OSTF1: variants seen among roughly 807,000 people sequenced by gnomAD.
OSTF1 encodes osteoclast stimulating factor 1.
OSTF1 carries 27 observed loss-of-function variants against 37.2 expected under a neutral mutation model. That is an observed-to-expected ratio of 0.73 (90% CI 0.54 to 1.00). The LOEUF (loss-of-function observed/expected upper bound fraction) is 1.00, where lower values mean the gene tolerates loss of function less well. Among genes scored for constraint, OSTF1 ranks in the 50% least tolerant of loss-of-function variants. The pLI, the probability that OSTF1 is intolerant of heterozygous loss-of-function variation, is 0.00. For missense variants in OSTF1, 232 were observed against 253.8 expected, an observed-to-expected ratio of 0.91 and a Z score of 0.58; for synonymous variants, 82 against 89.2, an observed-to-expected ratio of 0.92 and a Z score of 0.46.
At chr9:75,110,030 G>A (rs983081619) in intron 1 of OSTF1, among the ~76,000 whole-genome samples, 1 of 152,100 alleles carries the variant, frequency 6.6e-6, no homozygotes, top group Admixed American at 6.5e-5. Context: ...ACCAGATACA[G>A]CATTCTTAAA....
intron 3 of OSTF1, 33 bp downstream of exon 3, chr9:75,127,652 A>G: frequency 1.7e-6 from 2 of 1,165,296 alleles, no homozygotes; most frequent in South Asian, 1.4e-5. Context: ...AATACCACAT[A>G]TAAAGACTGT....
intron 8 of OSTF1, 76 bp downstream of exon 8, chr9:75,137,692 T>G (rs537935819): frequency 3.6e-5 from 32 of 899,024 alleles, no homozygotes; most frequent in Middle Eastern, 4.3e-4. Context: ...CCATTTGAAA[T>G]GGTAGGAAGA....
chr9:75,126,260 A>G (rs1825660104), intron 2 of OSTF1, among the ~76,000 whole-genome samples: 1 of 152,222 alleles, frequency 6.6e-6, no homozygotes, highest in African/African-American at 2.4e-5. Flanking sequence ...TTTATATGGA[A>G]TAGTAATTAT....
intron 1 of OSTF1, among the ~76,000 whole-genome samples, chr9:75,115,009 A>G (rs1312656022): frequency 6.6e-6 from 1 of 152,220 alleles, no homozygotes; most frequent in Non-Finnish European, 1.5e-5. Context: ...TGTCTTCTTA[A>G]TGCTTACAAT....
rs78076568 is a variant in OSTF1, at chr9:75,124,365, T to C, written c.82-3204T>C. On this transcript the variant is annotated intron_variant, in intron 2 of 9. Coordinates refer to ENST00000346234, the MANE Select transcript of OSTF1 (RefSeq NM_012383.5). ...TTGTGCTATCAAATAATAGGTCTTATTATTTCTTTCTAAATTTTTTTTGTA... is the reference window on the plus strand; with the variant it reads ...TTGTGCTATCAAATAATAGGTCTTACTATTTCTTTCTAAATTTTTTTTGTA... Among the ~76,000 whole-genome samples the C allele has an allele frequency of 2.2e-3, 331 of 152,352 alleles. 5 individuals are homozygous for C. The East Asian group carries it at 0.058, about 27-fold the overall frequency.
chr9:75,136,446 G>A (rs11144248), intron 7 of OSTF1, among the ~76,000 whole-genome samples: 34,523 of 151,974 alleles, frequency 0.23, 4,765 homozygotes, highest in East Asian at 0.41. Context: ...AGGCTGGGGC[G>A]TAGTGGCGCA....
intron 1 of OSTF1, among the ~76,000 whole-genome samples, chr9:75,112,984 T>C (rs1339466404): frequency 6.6e-6 from 1 of 152,074 alleles, no homozygotes; most frequent in African/African-American, 2.4e-5. Flanking sequence ...AGCTCCTCCT[T>C]CCGCTTGGTG....
chr9:75,107,697 T>G (rs1252320109), intron 1 of OSTF1, among the ~76,000 whole-genome samples: 1 of 152,150 alleles, frequency 6.6e-6, no homozygotes, highest in Non-Finnish European at 1.5e-5. Flanking sequence ...ACCCAGAACA[T>G]AAAAATACAC....
rs1825965477 is a variant in OSTF1 at position 75,142,933 on chromosome 9, T to C, written c.586+2001T>C. 2.7e-5 allele frequency among the ~76,000 whole-genome samples: 4 copies of C among 148,366 alleles called. No individual in the cohort carries two copies. The South Asian group carries it at 8.5e-4, about 32-fold the overall frequency. On this transcript the variant is annotated intron_variant, in intron 9 of 9. Transcript: ENST00000346234. ...AGTTGGAAAAGGTATATTCTGATATTGTTGTCCACTTTTTTTTTTTTTTTG... is the reference window on the plus strand; with the variant it reads ...AGTTGGAAAAGGTATATTCTGATATCGTTGTCCACTTTTTTTTTTTTTTTG...
intron 1 of OSTF1, among the ~76,000 whole-genome samples, chr9:75,115,693 C>G (rs1825477217): frequency 6.8e-6 from 1 of 146,300 alleles, no homozygotes; most frequent in East Asian, 2.0e-4. Context: ...GGCTTTTTTC[C>G]TATACTGTTT....
chr9:75,138,102 A>G (rs1195500617), intron 8 of OSTF1, among the ~76,000 whole-genome samples: 1 of 152,210 alleles, frequency 6.6e-6, no homozygotes, highest in East Asian at 1.9e-4. Flanking sequence ...CCCTGTTTTT[A>G]TAAGTCAGAG....
intron 1 of OSTF1, among the ~76,000 whole-genome samples, chr9:75,096,414 T>C (rs1282857680): frequency 6.6e-6 from 1 of 152,236 alleles, no homozygotes; most frequent in Non-Finnish European, 1.5e-5. Context: ...GACCGAAGAA[T>C]GCATCTAATG....
chr9:75,091,008 T>C (rs1824963465), intron 1 of OSTF1, among the ~76,000 whole-genome samples: 1 of 151,356 alleles, frequency 6.6e-6, no homozygotes, highest in African/African-American at 2.4e-5. Context: ...TTAACTTGTC[T>C]AAAGTCAACA....
intron 5 of OSTF1, 74 bp from the exon 6 acceptor site, chr9:75,133,220 G>T: frequency 1.1e-6 from 1 of 872,056 alleles, no homozygotes; most frequent in South Asian, 1.5e-5. Flanking sequence ...TATGCAGAAT[G>T]ACATTGATTT....
At chr9:75,136,628 G>A (rs1825847774) in intron 7 of OSTF1, among the ~76,000 whole-genome samples, 1 of 152,138 alleles carries the variant, frequency 6.6e-6, no homozygotes, top group South Asian at 2.1e-4. Context: ...CTGACTTCAG[G>A]TGATCCGCTC....
intron 1 of OSTF1, 85 bp downstream of exon 1, chr9:75,088,811 G>C (rs1824867787): frequency 5.9e-6 from 8 of 1,355,440 alleles, no homozygotes; most frequent in Non-Finnish European, 7.2e-6. Flanking sequence ...GGGAGGACCC[G>C]GCGCGCACCC....
chr9:75,139,050 C>CTTTTCTTTTCTTTTCT (rs1554774456), intron 8 of OSTF1, among the ~76,000 whole-genome samples: 3 of 136,112 alleles, frequency 2.2e-5, no homozygotes, highest in South Asian at 2.2e-4. Context: ...TTCTTTCTTT[C>CTTTTCTTTTCTTTTCT]TTTCTTTTTT....
At chr9:75,127,275 G>GT (rs2118560623) in intron 2 of OSTF1, among the ~76,000 whole-genome samples, 1 of 152,246 alleles carries the variant, frequency 6.6e-6, no homozygotes, top group Non-Finnish European at 1.5e-5. Flanking sequence ...CAAGGAAGAA[G>GT]TTTTATTAAT....
At chr9:75,106,154 T>C (rs1368897085) in intron 1 of OSTF1, among the ~76,000 whole-genome samples, 1 of 152,228 alleles carries the variant, frequency 6.6e-6, no homozygotes, top group East Asian at 1.9e-4. Flanking sequence ...GGAAATGTCA[T>C]GTTCAGAGTT....
Sources: allele counts gnomAD v4.1 joint callset (sites outside exome capture counted in the v4.1 genomes callset), GRCh38; gene constraint gnomAD v4.1.1; transcripts MANE v1.5; gene names NCBI Gene and HGNC (gene_info 2026-07-23, HGNC 2026-07-21).